WDTC1: variants seen among roughly 807,000 people sequenced by gnomAD.
WDTC1 encodes the protein WD and tetratricopeptide repeats 1.
A neutral mutation model predicts 76.0 loss-of-function variants in WDTC1; 12 were observed. The observed-to-expected ratio is 0.16, with a 90% CI of 0.10 to 0.26. The LOEUF (loss-of-function observed/expected upper bound fraction) is 0.26, where lower values mean the gene tolerates loss of function less well. Ranked by LOEUF, WDTC1 falls within the 10% of genes least tolerant of loss-of-function variation. WDTC1 has a pLI of 1.00. For synonymous variants in WDTC1, 326 were observed against 350.8 expected, an observed-to-expected ratio of 0.93 and a Z score of 0.79; for missense variants, 511 against 908.8, an observed-to-expected ratio of 0.56 and a Z score of 5.63.
At chr1:27,248,041 TCTG>T (rs2147911087) in intron 1 of WDTC1, among the ~76,000 whole-genome samples, 1 of 152,376 alleles carries the variant, frequency 6.6e-6, no homozygotes, top group East Asian at 1.9e-4. Context: ...CTTTATCCCA[TCTG>T]CTGTTGATGA....
At position 27,283,086 on chromosome 1, in the gene WDTC1, C is replaced by T. The variant is rs1570970264; in HGVS notation, c.180-252C>T. 3.3e-5 allele frequency among the ~76,000 whole-genome samples: 5 copies of T among 150,386 alleles called. No individual in the cohort carries two copies. The South Asian group carries it at 6.3e-4, about 19-fold the overall frequency. ...CTGGGAGGCGGAGCTTGCAGTGAGC[C>T]GAGATCGCGCCACTGCACTTCCAGC... On this transcript the variant is annotated intron_variant, in intron 4 of 15. Transcript: ENST00000319394.
At chr1:27,244,075 G>A (rs2011725564) in intron 1 of WDTC1, among the ~76,000 whole-genome samples, 1 of 151,972 alleles carries the variant, frequency 6.6e-6, no homozygotes, top group Non-Finnish European at 1.5e-5. Context: ...GGGCCCGGGA[G>A]GCAGAGGTTG....
chr1:27,306,122 T>C lies in WDTC1; in HGVS notation c.1837-64T>C, dbSNP rs1013412770. On this transcript the variant is annotated intron_variant, in intron 15 of 15. Transcript: ENST00000319394. The surrounding 1 kb of genome is among the most constrained non-coding windows in gnomAD (Gnocchi z 5.0). Reference sequence around the variant, plus strand: ...TGTGTATTTCCCTCCCCCTCCCCTATACGTGTACCCTGGTGCCTCTCCCTC... The same window carrying C: ...TGTGTATTTCCCTCCCCCTCCCCTACACGTGTACCCTGGTGCCTCTCCCTC... 4 of 1,567,678 alleles carry C rather than the reference T, an allele frequency of 2.6e-6. No individual in the cohort carries two copies. The highest frequency in any genetic ancestry group is 3.5e-6 in the Non-Finnish European group (4 of 1,140,456).
In WDTC1 at chr1:27,287,822, C is replaced by A. The variant is rs780325539; in HGVS notation, c.440C>A (p.Pro147His). The A allele has an allele frequency of 1.2e-6, 2 of 1,613,846 alleles. No individual in the cohort carries two copies. The highest frequency in any genetic ancestry group is 4.5e-5 in the East Asian group (2 of 44,874). Reference sequence around the variant, plus strand: ...CGCATCGCCACAGCGCCCATGTGGCCCAACACATTCTGGAGTGCTGCTGAG... The same window carrying A: ...CGCATCGCCACAGCGCCCATGTGGCACAACACATTCTGGAGTGCTGCTGAG... ...VKRIATAPMW[P>H]NTFWSAAEDG... Residue 147 changes from proline (P) to histidine (H), a missense_variant, in exon 6 of 16, where the codon CCC (proline) becomes CAC (histidine). Pro to His is a moderately conservative substitution (Grantham distance 77). Transcript: ENST00000319394.
At chr1:27,266,621 C>T (rs1245883805) in intron 3 of WDTC1, among the ~76,000 whole-genome samples, 2 of 152,168 alleles carry the variant, frequency 1.3e-5, no homozygotes, top group Admixed American at 6.5e-5. Flanking sequence ...TTTCCTAAGA[C>T]GCCAGTCCCA....
chr1:27,299,572 T>C (rs1027405502), intron 12 of WDTC1, among the ~76,000 whole-genome samples: 3 of 151,996 alleles, frequency 2.0e-5, no homozygotes, highest in Non-Finnish European at 4.4e-5. Context: ...GAAGAGCTTG[T>C]TTGCAGAACA....
chr1:27,305,113 C>G lies in WDTC1; in HGVS notation c.1756C>G (p.Leu586Val). Residue 586 changes from leucine to valine, a missense_variant, in exon 15 of 16, where the codon CTG becomes GTG. Physicochemically the swap from Leu to Val is conservative, Grantham distance 32 (BLOSUM62 1). Coordinates refer to ENST00000319394, the MANE Select transcript of WDTC1 (RefSeq NM_001276252.2). This position sits in a 1 kb window ranked among gnomAD's most constrained non-coding sequence, Gnocchi z 4.6. ...LQGDESIVNC[L>V]QPHPSYCFLA... ...AGGGGATGAGTCCATTGTCAACTGC[C>G]TGCAGCCACACCCCAGCTACTGCTT... 2 of 1,614,058 alleles carry G rather than the reference C, an allele frequency of 1.2e-6. No individual in the cohort carries two copies. Among genetic ancestry groups the G allele is most frequent in the Non-Finnish European group, 1.7e-6 (2 of 1,179,978 alleles).
chr1:27,261,781 T>C (rs748868282), intron 2 of WDTC1, among the ~76,000 whole-genome samples: 1 of 152,218 alleles, frequency 6.6e-6, no homozygotes, highest in African/African-American at 2.4e-5. Flanking sequence ...TATAGGTCTT[T>C]AGTCATTTTA....
intron 1 of WDTC1, among the ~76,000 whole-genome samples, chr1:27,249,761 G>A (rs2011973576): frequency 1.3e-5 from 2 of 152,016 alleles, no homozygotes; most frequent in South Asian, 4.2e-4. Flanking sequence ...ATTTTTTGTA[G>A]AGACGGGATT....
At chr1:27,278,585 GCCCATCTTGCT>G (rs1483945486) in intron 3 of WDTC1, among the ~76,000 whole-genome samples, 1 of 152,110 alleles carries the variant, frequency 6.6e-6, no homozygotes, top group Non-Finnish European at 1.5e-5. Context: ...ACCTCCCTGA[GCCCATCTTGCT>G]CATCTTACTC....
chr1:27,289,469 C>T (rs1320030416), intron 6 of WDTC1, among the ~76,000 whole-genome samples: 12 of 150,742 alleles, frequency 8.0e-5, no homozygotes, highest in Admixed American at 1.3e-4. Context: ...GATGGGATGG[C>T]GGCCGGGCAG....
At chr1:27,294,231 C>T in intron 8 of WDTC1, 115 bp downstream of exon 8, 1 of 1,125,320 alleles carries the variant, frequency 8.9e-7, no homozygotes. Context: ...TAGAGTCAGA[C>T]AGACCTGAGT....
chr1:27,276,123 C>A (rs1190322617), intron 3 of WDTC1, among the ~76,000 whole-genome samples: 1 of 152,200 alleles, frequency 6.6e-6, no homozygotes, highest in African/African-American at 2.4e-5. Flanking sequence ...ATCCATTCAT[C>A]AGTTGGTGGA....
intron 1 of WDTC1, among the ~76,000 whole-genome samples, chr1:27,236,479 T>C (rs1311407328): frequency 6.6e-6 from 1 of 152,230 alleles, no homozygotes; most frequent in East Asian, 1.9e-4. Flanking sequence ...ACAGTGCTTT[T>C]GGATCAACTC....
chr1:27,278,699 A>G (rs1191562483), intron 3 of WDTC1, among the ~76,000 whole-genome samples: 1 of 152,210 alleles, frequency 6.6e-6, no homozygotes, highest in Non-Finnish European at 1.5e-5. Flanking sequence ...ATTATTCCAT[A>G]TGCCTGAAAT....
chr1:27,289,166 C>T (rs1478645792), intron 6 of WDTC1, among the ~76,000 whole-genome samples: 6 of 146,782 alleles, frequency 4.1e-5, no homozygotes, highest in South Asian at 2.2e-4. Context: ...CGGGCAGAGG[C>T]GCCCCTCACC....
At position 27,306,345 on chromosome 1, in the gene WDTC1, G is replaced by A. The variant is rs752601895; in HGVS notation, c.1996G>A (p.Asp666Asn). ...SGGAGASDDE[D>N]SSEGQVQCRP... ...GGGTGCCGGGGCCTCTGATGATGAG[G>A]ACAGCTCTGAGGGCCAGGTGCAGTG... The change falls in exon 16 of 16, where the codon GAC becomes AAC. Residue 666 changes from aspartate (D) to asparagine (N), a missense_variant. Asp to Asn is a conservative substitution (Grantham distance 23). Transcript: ENST00000319394. The surrounding 1 kb of genome is among the most constrained non-coding windows in gnomAD (Gnocchi z 5.0). The A allele has an allele frequency of 1.2e-6, 2 of 1,613,664 alleles. No homozygotes were observed. The highest frequency in any genetic ancestry group is 1.7e-6 in the Non-Finnish European group (2 of 1,179,998).
chr1:27,289,524 C>T (rs2013465076), intron 6 of WDTC1, among the ~76,000 whole-genome samples: 2 of 151,650 alleles, frequency 1.3e-5, no homozygotes, highest in African/African-American at 4.8e-5. Flanking sequence ...CAGAGGGGCT[C>T]CTCACATCCC....
In WDTC1 at chr1:27,237,327, C is replaced by T. The variant is rs568344997; in HGVS notation, c.-100+2376C>T. ...GTTGCTGACATGTGCAGTTCTGAGT[C>T]TCAGAGAGGAAGTCAAACAGAACAT... On this transcript the variant is annotated intron_variant, in intron 1 of 15. Transcript: ENST00000319394. 2.0e-5 allele frequency among the ~76,000 whole-genome samples: 3 copies of T among 152,260 alleles called. 1 individual carries two copies. In the South Asian group the frequency reaches 6.2e-4, roughly 32 times the overall value.
Sources: gnomAD v4.1 joint callset for allele counts (sites outside exome capture counted in the v4.1 genomes callset) on GRCh38, gnomAD v4.1.1 for gene constraint, Gnocchi (gnomAD v3.1) non-coding constraint, MANE v1.5 for transcripts, NCBI Gene and HGNC (gene_info 2026-07-23, HGNC 2026-07-21) for gene names.